Variants in INTS15 observed in about 807,000 individuals in gnomAD.
The protein encoded by INTS15 is uncharacterized protein C7orf26.
At chr7:6,602,427 G>T in the INTS15 span, among the ~76,000 whole-genome samples, 5 of 152,180 alleles carry the variant, frequency 3.3e-5, no homozygotes, top group African/African-American at 1.2e-4. Flanking sequence ...GGGGCCCTCT[G>T]TTGGTGGCAC....
chr7:6,602,264 T>C, the INTS15 span: 1 of 729,086 alleles, frequency 1.4e-6, no homozygotes, highest in Admixed American at 2.7e-5. Flanking sequence ...TGATGATAAG[T>C]GGAGCATCAG....
chr7:6,591,002 C>T, the INTS15 span, among the ~76,000 whole-genome samples: 1 of 151,778 alleles, frequency 6.6e-6, no homozygotes, highest in African/African-American at 2.4e-5. Flanking sequence ...CCATGCCCAG[C>T]TAATTTTTGA....
the INTS15 span, among the ~76,000 whole-genome samples, chr7:6,600,852 C>G: frequency 6.6e-6 from 1 of 152,062 alleles, no homozygotes; most frequent in African/African-American, 2.4e-5. Context: ...GAGACAGTTG[C>G]ACTATGTTGG....
chr7:6,594,396 G>A, the INTS15 span: 16 of 1,610,044 alleles, frequency 9.9e-6, no homozygotes, highest in Middle Eastern at 1.7e-4. Context: ...ACTCACTCAC[G>A]ACATCTGTAG....
chr7:6,608,193 T>G, the INTS15 span: 2 of 1,538,514 alleles, frequency 1.3e-6, no homozygotes, highest in South Asian at 2.4e-5. Context: ...GCGCTCTCGC[T>G]GGACGAAGCC....
chr7:6,598,788 T>TA, the INTS15 span, among the ~76,000 whole-genome samples: 588 of 39,178 alleles, frequency 0.015, 9 homozygotes, highest in African/African-American at 0.14. Context: ...TGTGTGTGTA[T>TA]TTTTTTTTTT....
the INTS15 span, among the ~76,000 whole-genome samples, chr7:6,603,143 G>C: frequency 6.6e-6 from 1 of 151,930 alleles, no homozygotes; most frequent in Non-Finnish European, 1.5e-5. Flanking sequence ...CCGGCTACTC[G>C]GGCGGCTGAG....
At chr7:6,599,066 G>A in the INTS15 span, among the ~76,000 whole-genome samples, 1 of 152,138 alleles carries the variant, frequency 6.6e-6, no homozygotes. Context: ...GGGATTGCAG[G>A]TGTGAGCCTG....
chr7:6,590,514 C>T, the INTS15 span: 21 of 1,500,804 alleles, frequency 1.4e-5, no homozygotes, highest in Non-Finnish European at 1.8e-5. Flanking sequence ...GCCCCGCAGG[C>T]GGGCGGGCGG....
At chr7:6,592,931 A>G in the INTS15 span, among the ~76,000 whole-genome samples, 1,112 of 152,226 alleles carry the variant, frequency 7.3e-3, 9 homozygotes, top group Non-Finnish European at 0.011. Context: ...TTTTAAGAGA[A>G]ATTTAGCAAG....
chr7:6,608,607 T>G, the INTS15 span: 1 of 819,308 alleles, frequency 1.2e-6, no homozygotes, highest in South Asian at 4.5e-5. Context: ...CAAGCTTATG[T>G]GCAGCACTGC....
At chr7:6,591,268 CTTT>C in the INTS15 span, among the ~76,000 whole-genome samples, 14 of 131,760 alleles carry the variant, frequency 1.1e-4, no homozygotes, top group Non-Finnish European at 8.0e-5. Flanking sequence ...TCCTGTTTTT[CTTT>C]TTTTTTTTTT....
At chr7:6,594,503 G>T in the INTS15 span, 1 of 1,613,976 alleles carries the variant, frequency 6.2e-7, no homozygotes, top group Non-Finnish European at 8.5e-7. Flanking sequence ...GTTTGGTGCC[G>T]GGATCCATTC....
chr7:6,607,753 G>A, the INTS15 span: 648 of 1,491,558 alleles, frequency 4.3e-4, 3 homozygotes, highest in African/African-American at 7.9e-3. The surrounding 1 kb of genome is among the most constrained non-coding windows in gnomAD (Gnocchi z 6.0). Flanking sequence ...CACAGGCCCC[G>A]TGCAGAGCCC....
the INTS15 span, chr7:6,602,054 G>T: frequency 6.5e-7 from 1 of 1,548,996 alleles, no homozygotes; most frequent in Non-Finnish European, 8.9e-7. Context: ...GTATTTCACC[G>T]TGTTGTCTCC....
chr7:6,594,529 T>C, the INTS15 span: 5 of 1,614,070 alleles, frequency 3.1e-6, no homozygotes, highest in African/African-American at 6.7e-5. Flanking sequence ...CTGAAGCAGA[T>C]ATTCAGTGCC....
the INTS15 span, chr7:6,591,598 T>C: frequency 6.5e-7 from 1 of 1,537,304 alleles, no homozygotes. Flanking sequence ...AGTTAATAAG[T>C]ACGTTACAGC....
chr7:6,590,535 C>T, the INTS15 span: 1 of 1,480,678 alleles, frequency 6.8e-7, no homozygotes. Flanking sequence ...GCCTTTTCCC[C>T]AGCGATGCAG....
the INTS15 span, among the ~76,000 whole-genome samples, chr7:6,603,010 G>C: frequency 1.3e-5 from 2 of 152,346 alleles, no homozygotes; most frequent in East Asian, 1.9e-4. Context: ...AGCACTTTGG[G>C]AAGCTGAGGC....
Sources: allele counts gnomAD v4.1 joint callset (sites outside exome capture counted in the v4.1 genomes callset), GRCh38; gene constraint gnomAD v4.1.1; non-coding constraint Gnocchi (gnomAD v3.1); transcripts MANE v1.5; gene names NCBI Gene and HGNC (gene_info 2026-07-23, HGNC 2026-07-21).